Variants in VTI1A observed in about 807,000 individuals in gnomAD.
VTI1A encodes the protein vesicle transport through interaction with t-SNAREs 1A.
Under a neutral mutation model 34.9 loss-of-function variants are expected in VTI1A, and 22 were observed. That is an observed-to-expected ratio of 0.63 (90% CI 0.45 to 0.90). The LOEUF (loss-of-function observed/expected upper bound fraction) is 0.90, where lower values mean the gene tolerates loss of function less well. Among genes scored for constraint, VTI1A ranks in the 40% least tolerant of loss-of-function variants. The pLI is 0.00. For missense variants in VTI1A, 268 were observed against 275.6 expected (o/e 0.97, Z 0.20); for synonymous variants, 87 against 97.3 (o/e 0.89, Z 0.62).
intron 5 of VTI1A, among the ~76,000 whole-genome samples, chr10:112,634,949 T>C (rs534791984): frequency 6.6e-6 from 1 of 152,192 alleles, no homozygotes; most frequent in South Asian, 2.1e-4. Flanking sequence ...CTGGACTGAG[T>C]GGCCAACATT....
chr10:112,647,292 C>T (rs531393612), intron 5 of VTI1A, among the ~76,000 whole-genome samples: 5 of 152,146 alleles, frequency 3.3e-5, no homozygotes, highest in South Asian at 2.1e-4. Flanking sequence ...AGCTGTTTAG[C>T]GCTTTGAGAT....
chr10:112,472,332 T>C (rs2134074095), intron 3 of VTI1A, among the ~76,000 whole-genome samples: 1 of 152,294 alleles, frequency 6.6e-6, no homozygotes, highest in African/African-American at 2.4e-5. Flanking sequence ...GGCACTTCTA[T>C]TGACAGTCTC....
the VTI1A span, among the ~76,000 whole-genome samples, chr10:112,848,694 C>T: frequency 6.6e-6 from 1 of 152,134 alleles, no homozygotes; most frequent in South Asian, 2.1e-4. Flanking sequence ...ATGACCACAA[C>T]CAGAAAGGGA....
intron 7 of VTI1A, chr10:112,672,687 T>A (rs150654397): frequency 1.3e-5 from 2 of 152,316 alleles, no homozygotes; most frequent in East Asian, 3.9e-4. Flanking sequence ...TCTTCATATG[T>A]GTGTATTTAT....
rs139135661 is a variant in VTI1A at position 112,601,487 on chromosome 10, T to C, written c.427+63157T>C. Among the ~76,000 whole-genome samples the C allele has an allele frequency of 3.6e-4, 54 of 151,948 alleles. No individual in the cohort carries two copies. The East Asian group carries it at 9.7e-3, about 27-fold the overall frequency. On this transcript the variant is annotated intron_variant, in intron 5 of 7. Transcript: ENST00000393077. ...GGGAATCTTTTGTAAATGTGTCTGG[T>C]CTAATTAATTTGGTGCCAACCAGGC...
Position 112,524,605 on chromosome 10 carries a change from C to T in VTI1A, c.265-2482C>T, listed in dbSNP as rs576530851. On this transcript the variant is annotated intron_variant, in intron 3 of 7. Coordinates refer to ENST00000393077, the MANE Select transcript of VTI1A (RefSeq NM_145206.4). ...ACTCTTAATTGCTGGTTTTTAAAAGCGGTGGATTCTAACCAAAACAAGATT... is the reference window on the plus strand; with the variant it reads ...ACTCTTAATTGCTGGTTTTTAAAAGTGGTGGATTCTAACCAAAACAAGATT... Among the ~76,000 whole-genome samples the T allele has an allele frequency of 3.4e-3, 523 of 152,132 alleles. 1 individual carries two copies. Among genetic ancestry groups the T allele is most frequent in the South Asian group, 0.011 (52 of 4,822 alleles).
chr10:112,765,704 C>T (rs750765660), intron 7 of VTI1A, among the ~76,000 whole-genome samples: 1 of 152,150 alleles, frequency 6.6e-6, no homozygotes, highest in Non-Finnish European at 1.5e-5. Context: ...ATTGTGATGA[C>T]TGTTATGAAG....
chr10:112,662,616 A>T (rs766880095), intron 5 of VTI1A, among the ~76,000 whole-genome samples: 4 of 152,178 alleles, frequency 2.6e-5, no homozygotes, highest in Non-Finnish European at 5.9e-5. Flanking sequence ...TTATGTGCTA[A>T]CTGTAGTGAC....
At chr10:112,788,667 A>AT (rs548743153) in intron 7 of VTI1A, among the ~76,000 whole-genome samples, 49 of 151,968 alleles carry the variant, frequency 3.2e-4, no homozygotes, top group Admixed American at 2.3e-3. Context: ...TTAACATGTG[A>AT]TTTTTTTTAG....
At chr10:112,796,468 C>G (rs562099058) in intron 7 of VTI1A, among the ~76,000 whole-genome samples, 1 of 151,364 alleles carries the variant, frequency 6.6e-6, no homozygotes, top group Non-Finnish European at 1.5e-5. Context: ...TCTCAAGAAC[C>G]TAAGGCATCC....
At chr10:112,782,854 C>T (rs1262894990) in intron 7 of VTI1A, among the ~76,000 whole-genome samples, 1 of 152,182 alleles carries the variant, frequency 6.6e-6, no homozygotes, top group African/African-American at 2.4e-5. Flanking sequence ...CTAGGTGGCC[C>T]TGAAGGTCCC....
chr10:112,845,180 G>A, the VTI1A span, among the ~76,000 whole-genome samples: 1 of 152,006 alleles, frequency 6.6e-6, no homozygotes, highest in Non-Finnish European at 1.5e-5. Context: ...ACCATTCCAC[G>A]CCTGCTCTGC....
chr10:112,636,447 C>T (rs1286609928), intron 5 of VTI1A, among the ~76,000 whole-genome samples: 5 of 151,996 alleles, frequency 3.3e-5, no homozygotes, highest in Non-Finnish European at 7.4e-5. Flanking sequence ...AAACTCCAGC[C>T]GGGTGCAGTG....
At chr10:112,526,596 C>A (rs574243903) in intron 3 of VTI1A, among the ~76,000 whole-genome samples, 1 of 151,962 alleles carries the variant, frequency 6.6e-6, no homozygotes, top group South Asian at 2.1e-4. Flanking sequence ...TATAGACGTG[C>A]TATTCTAGGC....
chr10:112,666,194 T>C (rs1262241906), intron 5 of VTI1A, among the ~76,000 whole-genome samples: 1 of 152,186 alleles, frequency 6.6e-6, no homozygotes, highest in African/African-American at 2.4e-5. Flanking sequence ...GAGCCACATA[T>C]CTTACCCAAT....
At chr10:112,643,315 C>A (rs1246351778) in intron 5 of VTI1A, among the ~76,000 whole-genome samples, 1 of 151,838 alleles carries the variant, frequency 6.6e-6, no homozygotes, top group East Asian at 1.9e-4. Context: ...AGCATGTTTT[C>A]TATTTCAATT....
chr10:112,580,803 A>G (rs1017132191), intron 5 of VTI1A, among the ~76,000 whole-genome samples: 2 of 152,178 alleles, frequency 1.3e-5, no homozygotes, highest in Admixed American at 1.3e-4. Context: ...CAAGAAGGGA[A>G]AGAAGGAATG....
At chr10:112,762,664 C>T (rs1246531742) in intron 7 of VTI1A, among the ~76,000 whole-genome samples, 1 of 152,172 alleles carries the variant, frequency 6.6e-6, no homozygotes, top group African/African-American at 2.4e-5. Context: ...GATATGCAGT[C>T]ATTAGCGTCA....
In VTI1A at chr10:112,572,727, A is replaced by C. The variant is rs182270082; in HGVS notation, c.427+34397A>C. Among the ~76,000 whole-genome samples, 350 of 151,368 alleles carry C rather than the reference A, an allele frequency of 2.3e-3. 1 individual carries two copies. The highest frequency in any genetic ancestry group is 7.6e-3 in the African/African-American group (312 of 41,056). On this transcript the variant is annotated intron_variant, in intron 5 of 7. Coordinates refer to ENST00000393077, the MANE Select transcript of VTI1A (RefSeq NM_145206.4). ...GTGGCGGGCGCCTGTAGTCCCAGCT[A>C]CTCGGGAGGCTGAAGGCAGGAGAAC...
Sources: gnomAD v4.1 joint callset for allele counts (sites outside exome capture counted in the v4.1 genomes callset) on GRCh38, gnomAD v4.1.1 for gene constraint, MANE v1.5 for transcripts, NCBI Gene and HGNC (gene_info 2026-07-23, HGNC 2026-07-21) for gene names.